The following AADACL4 variants were observed in gnomAD, a reference collection of about 807,000 sequenced individuals.
AADACL4 encodes arylacetamide deacetylase like 4.
Under a neutral mutation model 14.1 loss-of-function variants are expected in AADACL4, and 9 were observed. That is an observed-to-expected ratio of 0.64 (90% CI 0.39 to 1.12). The LOEUF (loss-of-function observed/expected upper bound fraction) is 1.12, where lower values mean the gene tolerates loss of function less well. Ranked by LOEUF, AADACL4 falls within the 50% of genes most tolerant of loss-of-function variation. AADACL4 has a pLI of 0.01. For synonymous variants in AADACL4, 188 were observed against 201.6 expected, an observed-to-expected ratio of 0.93 and a Z score of 0.57; for missense variants, 531 against 516.1, an observed-to-expected ratio of 1.03 and a Z score of -0.28.
intron 1 of AADACL4, among the ~76,000 whole-genome samples, chr1:12,650,824 C>A (rs1353343377): frequency 6.6e-6 from 1 of 152,230 alleles, no homozygotes; most frequent in Non-Finnish European, 1.5e-5. Flanking sequence ...AGCCACTGCG[C>A]CCGGCCAACA....
intron 3 of AADACL4, among the ~76,000 whole-genome samples, chr1:12,664,757 C>A (rs1317064655): frequency 1.3e-5 from 2 of 152,240 alleles, no homozygotes; most frequent in Non-Finnish European, 2.9e-5. Context: ...ACTCTCTACT[C>A]CAATCAGTTA....
intron 1 of AADACL4, 102 bp from the exon 2 acceptor site, chr1:12,651,021 G>A: frequency 8.6e-7 from 1 of 1,166,242 alleles, no homozygotes; most frequent in Non-Finnish European, 1.3e-6. Flanking sequence ...GGAGGCAGGT[G>A]AGAAACTGTG....
At chr1:12,655,723 C>T (rs1013665407) in intron 2 of AADACL4, among the ~76,000 whole-genome samples, 10 of 151,954 alleles carry the variant, frequency 6.6e-5, no homozygotes, top group African/African-American at 7.2e-5. Flanking sequence ...TTTGCCATGC[C>T]GGGTCTTTTC....
At chr1:12,657,671 A>G (rs1195066260) in intron 2 of AADACL4, among the ~76,000 whole-genome samples, 1 of 152,194 alleles carries the variant, frequency 6.6e-6, no homozygotes, top group Non-Finnish European at 1.5e-5. Flanking sequence ...CAAGGGGCGG[A>G]ATATTCATGA....
intron 1 of AADACL4, among the ~76,000 whole-genome samples, chr1:12,647,340 C>A (rs1647118127): frequency 6.6e-6 from 1 of 152,126 alleles, no homozygotes; most frequent in African/African-American, 2.4e-5. Context: ...TTCAAGCAAT[C>A]CTCCTGCCTT....
Position 12,656,119 on chromosome 1 carries a change from G to A in AADACL4, c.385+4780G>A, listed in dbSNP as rs140305671. Among the ~76,000 whole-genome samples the A allele has an allele frequency of 2.9e-3, 449 of 152,292 alleles. 1 individual carries two copies. Among genetic ancestry groups the A allele is most frequent in the African/African-American group, 0.01 (428 of 41,554 alleles). ...GTCCCAAAGGGGAGTTGACAGAGAC[G>A]GAAAGTTACCCATGGCCTTGGCTTG... On this transcript the variant is annotated intron_variant, in intron 2 of 3. Coordinates refer to ENST00000376221, the MANE Select transcript of AADACL4 (RefSeq NM_001013630.2).
intron 2 of AADACL4, among the ~76,000 whole-genome samples, chr1:12,652,102 C>T (rs1238484684): frequency 6.6e-6 from 1 of 151,966 alleles, no homozygotes; most frequent in Non-Finnish European, 1.5e-5. Context: ...GGATTACAGG[C>T]GTGAGCCACC....
At chr1:12,649,247 C>T (rs1056359911) in intron 1 of AADACL4, among the ~76,000 whole-genome samples, 15 of 152,132 alleles carry the variant, frequency 9.9e-5, no homozygotes, top group Non-Finnish European at 2.1e-4. Context: ...GACTCTTGAG[C>T]CTGGATATGA....
chr1:12,658,352 G>A (rs975763207), intron 2 of AADACL4, among the ~76,000 whole-genome samples: 1 of 151,670 alleles, frequency 6.6e-6, no homozygotes, highest in Non-Finnish European at 1.5e-5. Context: ...TCCACCTCCC[G>A]GATTCAAGCG....
chr1:12,648,392 T>TTC (rs1570425459), intron 1 of AADACL4, among the ~76,000 whole-genome samples: 4 of 107,044 alleles, frequency 3.7e-5, no homozygotes, highest in East Asian at 2.6e-4. Flanking sequence ...TTCCTTCCTT[T>TTC]CTTTCCTTCT....
At chr1:12,658,002 TTC>T (rs150038118) in intron 2 of AADACL4, among the ~76,000 whole-genome samples, 2,424 of 150,280 alleles carry the variant, frequency 0.016, 57 homozygotes, top group African/African-American at 0.054. Flanking sequence ...TCTTCTCCCC[TTC>T]TCTCTCTCTC....
rs1647357197 is a variant in AADACL4, at chr1:12,666,988, T to C, written c.*253T>C. 4.3e-6 allele frequency: 2 copies of C among 469,718 alleles called. No individual in the cohort carries two copies. The highest frequency in any genetic ancestry group is 6.3e-5 in the East Asian group (2 of 31,698). 29.1% of individuals were successfully genotyped at this position (469,718 alleles called of 1,614,324 possible). On this transcript the variant is annotated 3_prime_UTR_variant, in exon 4 of 4. Transcript: ENST00000376221. ...CTCTAACATTCCCATTTAGGTGAAATAAATATCAAAAGGAGAAAAAAATGC... is the reference window on the plus strand; with the variant it reads ...CTCTAACATTCCCATTTAGGTGAAACAAATATCAAAAGGAGAAAAAAATGC...
Position 12,647,659 on chromosome 1 carries a change from C to CT in AADACL4, c.168+2958dup, listed in dbSNP as rs113499990. Among the ~76,000 whole-genome samples the CT allele has an allele frequency of 4.1e-3, 595 of 144,012 alleles. 4 individuals are homozygous for CT. Among genetic ancestry groups the CT allele is most frequent in the South Asian group, 9.3e-3 (42 of 4,532 alleles). 94.5% of individuals were successfully genotyped at this position (144,012 alleles called of 152,430 possible). A position where few individuals can be genotyped will look rare whatever the true frequency, so the allele number is the denominator to read the frequency against. ...TGCTTTTCTTTTTCTTTCTTTCTTT[C>CT]TTTTTTTTTTTTTGAGACAGTCTCA... is the stretch of plus-strand genomic sequence containing the variant. On this transcript the variant is annotated intron_variant, in intron 1 of 3. Coordinates refer to ENST00000376221, the MANE Select transcript of AADACL4 (RefSeq NM_001013630.2).
At chr1:12,658,107 CT>C (rs1647195175) in intron 2 of AADACL4, among the ~76,000 whole-genome samples, 1 of 92,896 alleles carries the variant, frequency 1.1e-5, no homozygotes, top group African/African-American at 6.2e-5. Flanking sequence ...TTCTCTCTTT[CT>C]TTCCTTCCTT....
At chr1:12,651,966 C>A (rs1158248481) in intron 2 of AADACL4, among the ~76,000 whole-genome samples, 3 of 151,516 alleles carry the variant, frequency 2.0e-5, no homozygotes, top group African/African-American at 7.3e-5. Context: ...GTAGCTGGGA[C>A]TACAGGTGCC....
At chr1:12,658,257 C>T (rs1187111139) in intron 2 of AADACL4, among the ~76,000 whole-genome samples, 3 of 149,582 alleles carry the variant, frequency 2.0e-5, no homozygotes, top group African/African-American at 5.0e-5. Flanking sequence ...TTCCTTCCTT[C>T]CTTTTTCTTT....
intron 1 of AADACL4, among the ~76,000 whole-genome samples, chr1:12,647,793 C>G (rs916317465): frequency 2.0e-5 from 3 of 152,008 alleles, no homozygotes; most frequent in Non-Finnish European, 4.4e-5. Flanking sequence ...GTAGCTAAGA[C>G]TATAGGCGCC....
intron 2 of AADACL4, 108 bp downstream of exon 2, chr1:12,651,447 G>A (rs1051892455): frequency 1.5e-5 from 18 of 1,214,940 alleles, no homozygotes; most frequent in Admixed American, 2.5e-5. Context: ...GGAATCAGTT[G>A]TTGGAGATTT....
At position 12,647,551 on chromosome 1, in the gene AADACL4, T is replaced by C. The variant is rs540288990; in HGVS notation, c.168+2837T>C. Reference sequence around the variant, plus strand: ...CCTGAAGGCAAAGATGTAGCATTTCTTGAAATTATTATAGATTTAAAAGTT... The same window carrying C: ...CCTGAAGGCAAAGATGTAGCATTTCCTGAAATTATTATAGATTTAAAAGTT... On this transcript the variant is annotated intron_variant, in intron 1 of 3. Coordinates refer to ENST00000376221, the MANE Select transcript of AADACL4 (RefSeq NM_001013630.2). Among the ~76,000 whole-genome samples the C allele has an allele frequency of 2.6e-5, 4 of 152,358 alleles. No individual in the cohort carries two copies. The South Asian group carries it at 8.3e-4, about 32-fold the overall frequency.
Sources: allele counts gnomAD v4.1 joint callset (sites outside exome capture counted in the v4.1 genomes callset), GRCh38; gene constraint gnomAD v4.1.1; transcripts MANE v1.5; gene names NCBI Gene and HGNC (gene_info 2026-07-23, HGNC 2026-07-21).